Variants in SHPRH observed in about 807,000 individuals in gnomAD.
SHPRH encodes SNF2 histone linker PHD RING helicase.
A neutral mutation model predicts 202.5 loss-of-function variants in SHPRH; 106 were observed. That is an observed-to-expected ratio of 0.52 (90% CI 0.45 to 0.62). The LOEUF (loss-of-function observed/expected upper bound fraction) is 0.62. Among genes scored for constraint, SHPRH ranks in the 20% least tolerant of loss-of-function variants. The probability of loss-of-function intolerance (pLI) is 0.00; values close to 1 mark genes in which losing one functional copy is unlikely to be tolerated. For synonymous variants in SHPRH, 729 were observed against 686.0 expected (o/e 1.06, Z -0.98); for missense variants, 1,710 against 2,020.0 (o/e 0.85, Z 2.94).
chr6:145,887,064 C>T (rs974595873), intron 29 of SHPRH, among the ~76,000 whole-genome samples: 17 of 152,144 alleles, frequency 1.1e-4, no homozygotes, highest in African/African-American at 3.6e-4. Flanking sequence ...AGGCTCTCAC[C>T]TTACAAATTA....
At chr6:145,866,635 T>C (rs927303376) in intron 2 of SHPRH, among the ~76,000 whole-genome samples, 1 of 152,154 alleles carries the variant, frequency 6.6e-6, no homozygotes, top group Non-Finnish European at 1.5e-5. Flanking sequence ...AGAGGGTTCA[T>C]GTCAGGTGGC....
intron 2 of SHPRH, among the ~76,000 whole-genome samples, chr6:145,879,440 T>C (rs1780452110): frequency 6.6e-6 from 1 of 152,192 alleles, no homozygotes; most frequent in South Asian, 2.1e-4. Context: ...GTTATTTAAA[T>C]ATAGGACTTA....
At position 145,943,523 on chromosome 6, in the gene SHPRH, T is replaced by C. The variant is rs1459650077; in HGVS notation, c.1858A>G (p.Ile620Val). Reference protein sequence around the residue: ...TDVAMSKSTCISEFNQEHETE... With the variant: ...TDVAMSKSTCVSEFNQEHETE... The stretch of plus-strand genomic sequence containing the variant: ...TCATGTTCTTGGTTGAATTCAGAGA[T>C]ACATGTACTTTTAGACATAGCAACA... The change falls in exon 9 of 30, where the codon ATC (isoleucine) becomes GTC (valine). Residue 620 changes from isoleucine to valine, a missense_variant. Physicochemically the swap from Ile to Val is conservative, Grantham distance 29. Transcript: ENST00000275233. The C allele has an allele frequency of 6.2e-7, 1 of 1,614,046 alleles. No individual in the cohort carries two copies. The highest frequency in any genetic ancestry group is 1.7e-5 in the Admixed American group (1 of 59,996).
Position 145,946,335 on chromosome 6 carries a change from CT to C in SHPRH, c.1218del (p.Val407TrpfsTer2). The C allele has an allele frequency of 6.2e-7, 1 of 1,602,530 alleles. No homozygotes were observed. Among genetic ancestry groups the C allele is most frequent in the South Asian group, 1.1e-5 (1 of 89,672 alleles). On this transcript the variant is annotated frameshift_variant, in exon 7 of 30. Coordinates refer to ENST00000275233, the MANE Select transcript of SHPRH (RefSeq NM_001042683.3). LOFTEE classifies it high-confidence loss of function. ...TGTGACGGAATAAAATAATTCACCA[CT>C]TTTCCCTGATACAAACAACAGTCAG... ...KQDALTLPEG[K>X]VVNYFIPSHY...
At chr6:145,917,743 T>G (rs1252230688) in intron 23 of SHPRH, 1 of 155,734 alleles carries the variant, frequency 6.4e-6, no homozygotes, top group African/African-American at 2.4e-5. Context: ...TCTGATTTAG[T>G]AGCTTTCGAA....
intron 3 of SHPRH, chr6:145,951,863 C>G (rs1477912893): frequency 4.4e-6 from 2 of 456,052 alleles, no homozygotes; most frequent in South Asian, 3.1e-5. Context: ...CATCCACACT[C>G]TCCCAAGGTG....
In SHPRH at chr6:145,946,271, T is replaced by C. The variant is rs1787364560; in HGVS notation, c.1283A>G (p.Asn428Ser). The change falls in exon 7 of 30, where the codon AAT (asparagine) becomes AGT (serine). Residue 428 changes from asparagine (N) to serine (S), a missense_variant. Transcript: ENST00000275233. ...TTTTTCTTTTGGTTCAAATTCGATA[T>C]TCTGGATTTCTGTCTTTTTCAGTTT... ...GGKLKKTEIQ[N>S]IEFEPKEKVQ... 8.7e-6 allele frequency: 14 copies of C among 1,609,384 alleles called. No homozygotes were observed. Among genetic ancestry groups the C allele is most frequent in the Non-Finnish European group, 1.2e-5 (14 of 1,177,692 alleles).
chr6:145,899,639 C>A (rs941575194), intron 25 of SHPRH, among the ~76,000 whole-genome samples: 2 of 151,926 alleles, frequency 1.3e-5, no homozygotes, highest in African/African-American at 4.8e-5. Context: ...AAAACTCAGG[C>A]AAGAAAAGCA....
At chr6:145,918,542 G>A (rs1784149254) in intron 22 of SHPRH, 1 of 164,310 alleles carries the variant, frequency 6.1e-6, no homozygotes, top group South Asian at 2.0e-4. Flanking sequence ...TACATACACG[G>A]GATAAAGAAA....
intron 25 of SHPRH, chr6:145,906,526 CTCCT>C (rs1782973824): frequency 1.3e-5 from 2 of 152,132 alleles, no homozygotes; most frequent in African/African-American, 4.8e-5. Flanking sequence ...CATCAACATT[CTCCT>C]TCTTTTCAAG....
chr6:145,933,725 CTTAT>C (rs1785721086), intron 13 of SHPRH, among the ~76,000 whole-genome samples: 1 of 152,162 alleles, frequency 6.6e-6, no homozygotes, highest in Admixed American at 6.5e-5. Context: ...CATCATTTCC[CTTAT>C]TTGTCTATAA....
chr6:145,940,617 A>C (rs1786665855), intron 11 of SHPRH, 106 bp downstream of exon 11: 1 of 1,030,586 alleles, frequency 9.7e-7, no homozygotes, highest in African/African-American at 1.6e-5. Flanking sequence ...GACATGAATC[A>C]TCACTTCAAT....
At chr6:145,859,558 T>C (rs1779516474), downstream of SHPRH, among the ~76,000 whole-genome samples, 1 of 152,016 alleles carries the variant, frequency 6.6e-6, no homozygotes, top group Admixed American at 6.6e-5. Flanking sequence ...CAATTTCAAA[T>C]AATGAAATAA....
intron 2 of SHPRH, among the ~76,000 whole-genome samples, chr6:145,872,880 G>A (rs985543051): frequency 1.2e-4 from 19 of 152,148 alleles, no homozygotes; most frequent in African/African-American, 2.2e-4. Context: ...CATGTGCTTC[G>A]CAGGGACATG....
At chr6:145,956,049 C>G (rs1788471904) in intron 1 of SHPRH, among the ~76,000 whole-genome samples, 1 of 151,356 alleles carries the variant, frequency 6.6e-6, no homozygotes, top group African/African-American at 2.4e-5. Flanking sequence ...TTAGAAATGG[C>G]AAAGAAAAAA....
At chr6:145,925,341 TACAC>T (rs10631165) in intron 16 of SHPRH, among the ~76,000 whole-genome samples, 29 of 145,274 alleles carry the variant, frequency 2.0e-4, no homozygotes, top group African/African-American at 5.1e-4. Context: ...ATGTTCTCAC[TACAC>T]ACACACACAC....
At chr6:145,878,650 G>A (rs541371358) in intron 2 of SHPRH, among the ~76,000 whole-genome samples, 2 of 152,140 alleles carry the variant, frequency 1.3e-5, no homozygotes, top group South Asian at 2.1e-4. Flanking sequence ...TTAAGGTTGA[G>A]TTTGCTCCCT....
At chr6:145,863,016 G>A (rs570130696), downstream of SHPRH, among the ~76,000 whole-genome samples, 1 of 152,330 alleles carries the variant, frequency 6.6e-6, no homozygotes, top group South Asian at 2.1e-4. Context: ...ATTGTGTAGT[G>A]TCCAATGTCA....
At chr6:145,953,649 T>A (rs972392702) in intron 2 of SHPRH, among the ~76,000 whole-genome samples, 11 of 152,234 alleles carry the variant, frequency 7.2e-5, no homozygotes, top group African/African-American at 2.6e-4. Flanking sequence ...AACATGAAAT[T>A]AACATTTTAA....
Sources: allele counts gnomAD v4.1 joint callset (sites outside exome capture counted in the v4.1 genomes callset), GRCh38; gene constraint gnomAD v4.1.1; transcripts MANE v1.5; gene names NCBI Gene and HGNC (gene_info 2026-07-23, HGNC 2026-07-21).